Variants in PDE10A observed in about 807,000 individuals in gnomAD.
PDE10A encodes cAMP and cAMP-inhibited cGMP 3',5'-cyclic phosphodiesterase 10A.
In PDE10A, 39 loss-of-function variants were observed where a neutral mutation model predicts 97.7. The observed-to-expected ratio is 0.40, with a 90% CI of 0.31 to 0.52. PDE10A has a LOEUF of 0.52. Among genes scored for constraint, PDE10A ranks in the 20% least tolerant of loss-of-function variants. The probability of loss-of-function intolerance (pLI) is 0.56; values close to 1 mark genes in which losing one functional copy is unlikely to be tolerated. For synonymous variants in PDE10A, 371 were observed against 376.8 expected (o/e 0.98, Z 0.18); for missense variants, 731 against 1,047.8 (o/e 0.70, Z 4.17).
At position 165,523,957 on chromosome 6, in the gene PDE10A, G is replaced by C. The variant is rs571108007; in HGVS notation, c.994+19483C>G. Among the ~76,000 whole-genome samples, 90 of 152,272 alleles carry C rather than the reference G, an allele frequency of 5.9e-4. 1 individual carries two copies. The highest frequency in any genetic ancestry group is 2.1e-3 in the African/African-American group (88 of 41,562). On this transcript the variant is annotated intron_variant, in intron 2 of 21. Coordinates refer to ENST00000539869, the MANE Select transcript of PDE10A (RefSeq NM_001385079.1). ...GGAAGACGGGCCCACTCTTAATAAG[G>C]TGGGCACCATCTAATCAGCTTCCAG...
At chr6:165,839,845 T>TCCC (rs1780177538) in intron 1 of PDE10A, among the ~76,000 whole-genome samples, 3 of 80,176 alleles carry the variant, frequency 3.7e-5, no homozygotes, top group East Asian at 4.7e-4. Context: ...TCCATTCTTA[T>TCCC]CATCTCCATC....
intron 1 of PDE10A, among the ~76,000 whole-genome samples, chr6:165,834,138 C>T (rs1307592719): frequency 1.3e-5 from 2 of 152,218 alleles, no homozygotes; most frequent in African/African-American, 4.8e-5. Context: ...ACACCTGGGA[C>T]CACATGGAGC....
intron 1 of PDE10A, among the ~76,000 whole-genome samples, chr6:165,702,732 G>T (rs895397257): frequency 6.6e-6 from 1 of 152,120 alleles, no homozygotes; most frequent in African/African-American, 2.4e-5. Flanking sequence ...CCCATCTGTC[G>T]CCCCTCCAGG....
At chr6:165,409,604 T>G (rs1787560946) in intron 13 of PDE10A, 2 of 162,658 alleles carry the variant, frequency 1.2e-5, no homozygotes, top group African/African-American at 4.8e-5. Context: ...TCTCGTCTGA[T>G]CTCGGAAGCT....
At chr6:165,677,985 G>A (rs1222141519) in intron 1 of PDE10A, among the ~76,000 whole-genome samples, 2 of 151,392 alleles carry the variant, frequency 1.3e-5, no homozygotes, top group African/African-American at 4.9e-5. Context: ...GTGTGTGTTT[G>A]TATACCCATG....
intron 18 of PDE10A, among the ~76,000 whole-genome samples, chr6:165,354,571 A>T (rs1318729929): frequency 1.3e-5 from 2 of 152,350 alleles, no homozygotes; most frequent in Middle Eastern, 3.4e-3. Context: ...CTGAATTCCA[A>T]TTGAGTTATT....
chr6:165,708,393 A>G (rs1270842477), intron 1 of PDE10A, among the ~76,000 whole-genome samples: 1 of 151,910 alleles, frequency 6.6e-6, no homozygotes, highest in Non-Finnish European at 1.5e-5. Context: ...GGACCCGTTC[A>G]TGCATCTTCC....
chr6:165,402,734 G>C (rs1380300357), intron 13 of PDE10A, among the ~76,000 whole-genome samples: 1 of 152,166 alleles, frequency 6.6e-6, no homozygotes, highest in Non-Finnish European at 1.5e-5. Context: ...GACTGTAAGA[G>C]CATGTCTACC....
intron 1 of PDE10A, among the ~76,000 whole-genome samples, chr6:165,653,920 C>G (rs1377707769): frequency 3.3e-5 from 5 of 152,282 alleles, no homozygotes; most frequent in East Asian, 3.9e-4. Flanking sequence ...TCCTCCTACT[C>G]TACGAGCCCT....
intron 1 of PDE10A, among the ~76,000 whole-genome samples, chr6:165,874,178 G>A (rs537181451): frequency 3.2e-4 from 49 of 152,312 alleles, no homozygotes; most frequent in African/African-American, 1.1e-3. Context: ...TACAGCTCAC[G>A]TGCAGATCTC....
At chr6:165,971,916 A>G (rs1784687112) in intron 1 of PDE10A, among the ~76,000 whole-genome samples, 1 of 152,186 alleles carries the variant, frequency 6.6e-6, no homozygotes, top group Non-Finnish European at 1.5e-5. Context: ...AAAGAACTGT[A>G]TGTACCCATG....
intron 1 of PDE10A, among the ~76,000 whole-genome samples, chr6:165,757,653 T>C (rs752130271): frequency 4.6e-5 from 7 of 152,200 alleles, no homozygotes; most frequent in Non-Finnish European, 1.0e-4. Context: ...TGTATTTGTA[T>C]CTATTTCTGG....
At chr6:165,644,833 C>G (rs1789310842) in intron 1 of PDE10A, among the ~76,000 whole-genome samples, 1 of 152,206 alleles carries the variant, frequency 6.6e-6, no homozygotes, top group Admixed American at 6.5e-5. Flanking sequence ...CACTGCAGCT[C>G]AGAAGCATGG....
intron 1 of PDE10A, among the ~76,000 whole-genome samples, chr6:165,970,600 A>AT (rs1784639785): frequency 6.6e-6 from 1 of 152,240 alleles, no homozygotes; most frequent in South Asian, 2.1e-4. Flanking sequence ...TTATAAGTTC[A>AT]ATAAAAAGGT....
chr6:165,593,183 G>A (rs1444593908), intron 1 of PDE10A, among the ~76,000 whole-genome samples: 1 of 152,128 alleles, frequency 6.6e-6, no homozygotes, highest in African/African-American at 2.4e-5. Context: ...ATCATTCTCA[G>A]CAAACTAACA....
intron 18 of PDE10A, among the ~76,000 whole-genome samples, chr6:165,378,974 A>G (rs1235086277): frequency 2.0e-5 from 3 of 152,190 alleles, no homozygotes; most frequent in Admixed American, 6.5e-5. Flanking sequence ...GTAACTTCCA[A>G]TCTGTATTTT....
upstream of PDE10A, among the ~76,000 whole-genome samples, chr6:165,667,329 T>G (rs1790522368): frequency 6.6e-6 from 1 of 152,208 alleles, no homozygotes; most frequent in Admixed American, 6.5e-5. Context: ...GAACCCAATT[T>G]GTAGTCTCTT....
intron 1 of PDE10A, among the ~76,000 whole-genome samples, chr6:165,607,246 G>A (rs562707972): frequency 6.6e-6 from 1 of 152,326 alleles, no homozygotes; most frequent in South Asian, 2.1e-4. Flanking sequence ...CAATGCTTTA[G>A]CTGCAATTAC....
chr6:165,681,086 C>T (rs551298205), intron 1 of PDE10A, among the ~76,000 whole-genome samples: 1 of 152,276 alleles, frequency 6.6e-6, no homozygotes, highest in South Asian at 2.1e-4. Context: ...AGGAGACTGT[C>T]CATCTTATCA....
Sources: gnomAD v4.1 joint callset for allele counts (sites outside exome capture counted in the v4.1 genomes callset) on GRCh38, gnomAD v4.1.1 for gene constraint, MANE v1.5 for transcripts, NCBI Gene and HGNC (gene_info 2026-07-23, HGNC 2026-07-21) for gene names.